The following NXPH1 variants were observed in gnomAD, a reference collection of about 807,000 sequenced individuals.
NXPH1 encodes the protein neurexophilin 1.
A neutral mutation model predicts 23.7 loss-of-function variants in NXPH1; 5 were observed. The observed-to-expected ratio is 0.21, with a 90% CI of 0.11 to 0.44. The LOEUF (loss-of-function observed/expected upper bound fraction) is 0.44. Ranked by LOEUF, NXPH1 falls within the 20% of genes least tolerant of loss-of-function variation. NXPH1 has a pLI of 0.99. For missense variants in NXPH1, 324 were observed against 321.6 expected (o/e 1.01, Z -0.06); for synonymous variants, 144 against 122.2 (o/e 1.18, Z -1.18).
chr7:8,749,668 C>T (rs1055133529), intron 2 of NXPH1, among the ~76,000 whole-genome samples: 2 of 152,116 alleles, frequency 1.3e-5, no homozygotes, highest in African/African-American at 2.4e-5. Context: ...GTATCTGAGA[C>T]AAGACTCAGA....
chr7:8,457,240 A>C (rs1197214625), intron 2 of NXPH1, among the ~76,000 whole-genome samples: 7 of 152,196 alleles, frequency 4.6e-5, no homozygotes, highest in Admixed American at 1.3e-4. Flanking sequence ...AACAGTTGGC[A>C]ACTGACACAA....
At chr7:8,576,402 G>A (rs1345512408) in intron 2 of NXPH1, among the ~76,000 whole-genome samples, 4 of 152,132 alleles carry the variant, frequency 2.6e-5, no homozygotes, top group African/African-American at 9.7e-5. Flanking sequence ...GTGGTATTAA[G>A]GACAGACATG....
intron 2 of NXPH1, among the ~76,000 whole-genome samples, chr7:8,565,674 T>C (rs1234893840): frequency 2.6e-5 from 4 of 151,860 alleles, no homozygotes; most frequent in Admixed American, 6.6e-5. Context: ...TTTTAAACTT[T>C]ATAATTTTAT....
intron 2 of NXPH1, among the ~76,000 whole-genome samples, chr7:8,685,467 C>A (rs908885765): frequency 1.3e-4 from 19 of 151,692 alleles, no homozygotes; most frequent in Admixed American, 1.3e-3. Flanking sequence ...AATAGTACTC[C>A]CTTGTGTATA....
At chr7:8,612,871 A>G (rs904040546) in intron 2 of NXPH1, among the ~76,000 whole-genome samples, 4 of 152,018 alleles carry the variant, frequency 2.6e-5, no homozygotes, top group Non-Finnish European at 5.9e-5. Context: ...ATGCAGCTTC[A>G]TTTCCTTGTT....
chr7:8,532,474 G>GT (rs1232461533), intron 2 of NXPH1, among the ~76,000 whole-genome samples: 1 of 141,588 alleles, frequency 7.1e-6, no homozygotes, highest in Non-Finnish European at 1.5e-5. Context: ...TTTTTGGGGG[G>GT]GGGGGAGGGG....
rs144808961 is a variant in NXPH1, at chr7:8,719,406, C to T, written c.55-31602C>T. Among the ~76,000 whole-genome samples, 77 of 152,230 alleles carry T rather than the reference C, an allele frequency of 5.1e-4. No individual in the cohort carries two copies. In the Middle Eastern group the frequency reaches 0.017, roughly 34 times the overall value. ...AACTCTAATGGGATGCTCCATAAAGCATAGATCAAAAATATTATGGCTTGG... is the reference window on the plus strand; with the variant it reads ...AACTCTAATGGGATGCTCCATAAAGTATAGATCAAAAATATTATGGCTTGG... On this transcript the variant is annotated intron_variant, in intron 2 of 2. Coordinates refer to ENST00000405863, the MANE Select transcript of NXPH1 (RefSeq NM_152745.3).
Position 8,444,163 on chromosome 7 carries a change from T to C in NXPH1, c.54+8396T>C, listed in dbSNP as rs139264046. On this transcript the variant is annotated intron_variant, in intron 2 of 2. Transcript: ENST00000405863. ...TTGCCTTAGCATAGGAGTCAATCCT[T>C]TTCTTGTCACCCGATTCTGCAAATT... 1.3e-3 allele frequency among the ~76,000 whole-genome samples: 199 copies of C among 152,312 alleles called. 1 individual carries two copies. Among genetic ancestry groups the C allele is most frequent in the African/African-American group, 4.6e-3 (192 of 41,560 alleles).
intron 2 of NXPH1, among the ~76,000 whole-genome samples, chr7:8,473,572 C>T (rs970260731): frequency 1.4e-4 from 21 of 152,032 alleles, no homozygotes; most frequent in African/African-American, 5.1e-4. Context: ...ATTATCAGTT[C>T]AACATCTTTT....
At chr7:8,491,520 A>T (rs1342805709) in intron 2 of NXPH1, among the ~76,000 whole-genome samples, 1 of 152,054 alleles carries the variant, frequency 6.6e-6, no homozygotes, top group Non-Finnish European at 1.5e-5. Flanking sequence ...CACGATCTCC[A>T]TTTGATTTTG....
chr7:8,612,206 C>G (rs1287925661), intron 2 of NXPH1, among the ~76,000 whole-genome samples: 1 of 151,326 alleles, frequency 6.6e-6, no homozygotes, highest in Non-Finnish European at 1.5e-5. Context: ...CTCTCCATCC[C>G]TCTTTCTTTT....
At chr7:8,592,826 C>CTTTT (rs536236220) in intron 2 of NXPH1, among the ~76,000 whole-genome samples, 37 of 142,932 alleles carry the variant, frequency 2.6e-4, no homozygotes, top group African/African-American at 8.9e-4. Context: ...GTGAAATAGT[C>CTTTT]TTTTTTTTTT....
intron 2 of NXPH1, among the ~76,000 whole-genome samples, chr7:8,747,415 T>C (rs1057161908): frequency 2.0e-5 from 3 of 152,218 alleles, no homozygotes; most frequent in African/African-American, 7.2e-5. Flanking sequence ...TTTACTTTCA[T>C]TTCCCCCTAT....
rs145519926 is a variant in NXPH1 at position 8,562,375 on chromosome 7, G to A, written c.54+126608G>A. ...GAATAATATTAACAAAAGTACTTCA[G>A]CAAAAGAGATACCTTACAAAAGAGA... On this transcript the variant is annotated intron_variant, in intron 2 of 2. Coordinates refer to ENST00000405863, the MANE Select transcript of NXPH1 (RefSeq NM_152745.3). Among the ~76,000 whole-genome samples the A allele has an allele frequency of 6.6e-5, 10 of 151,784 alleles. No homozygotes were observed. In the East Asian group the frequency reaches 1.2e-3, roughly 18 times the overall value.
At chr7:8,459,927 G>T (rs952266261) in intron 2 of NXPH1, among the ~76,000 whole-genome samples, 5 of 152,040 alleles carry the variant, frequency 3.3e-5, no homozygotes, top group African/African-American at 1.2e-4. Flanking sequence ...ATGAAACATG[G>T]GTGCTTAGCC....
chr7:8,601,456 A>C (rs1163051020), intron 2 of NXPH1, among the ~76,000 whole-genome samples: 1 of 152,188 alleles, frequency 6.6e-6, no homozygotes, highest in Non-Finnish European at 1.5e-5. Flanking sequence ...AGGTTACCCA[A>C]GTTCTCAGCG....
intron 2 of NXPH1, among the ~76,000 whole-genome samples, chr7:8,674,196 CACACACA>C (rs1562450757): frequency 5.1e-4 from 73 of 144,074 alleles, no homozygotes; most frequent in Admixed American, 3.0e-3. Context: ...CACACACACA[CACACACA>C]CCTATGCAAT....
At chr7:8,476,688 G>A (rs916890058) in intron 2 of NXPH1, among the ~76,000 whole-genome samples, 2 of 139,916 alleles carry the variant, frequency 1.4e-5, no homozygotes, top group South Asian at 2.5e-4. Context: ...TGATTAAAAG[G>A]CTTCATGTTA....
intron 2 of NXPH1, among the ~76,000 whole-genome samples, chr7:8,588,805 G>T (rs1385514085): frequency 1.3e-5 from 2 of 152,012 alleles, no homozygotes; most frequent in Non-Finnish European, 2.9e-5. Flanking sequence ...ACTACACTTG[G>T]GTTGACATGG....
Sources: allele counts gnomAD v4.1 joint callset (sites outside exome capture counted in the v4.1 genomes callset), GRCh38; gene constraint gnomAD v4.1.1; transcripts MANE v1.5; gene names NCBI Gene and HGNC (gene_info 2026-07-23, HGNC 2026-07-21).